Variants in RIMKLA observed in about 807,000 individuals in gnomAD.
RIMKLA encodes the protein N-acetylaspartylglutamate synthase A.
In RIMKLA, 14 loss-of-function variants were observed where a neutral mutation model predicts 32.7. The observed-to-expected ratio is 0.43, with a 90% CI of 0.28 to 0.67. The LOEUF is 0.67. Ranked by LOEUF, RIMKLA falls within the 30% of genes least tolerant of loss-of-function variation. The pLI is 0.18. For synonymous variants in RIMKLA, 176 were observed against 204.1 expected, an observed-to-expected ratio of 0.86 and a Z score of 1.18; for missense variants, 410 against 519.0, an observed-to-expected ratio of 0.79 and a Z score of 2.04.
chr1:42,381,037 G>C lies in RIMKLA; in HGVS notation c.103G>C (p.Val35Leu). The stretch of plus-strand genomic sequence containing the variant: ...CCGGCAGCGCTGCTCCGAGCAGGAC[G>C]TGCGCTTCCGGGCGGTGCTTATGGA... ...ALRQRCSEQDVRFRAVLMDQI... is the reference protein window; with the variant it reads ...ALRQRCSEQDLRFRAVLMDQI... The change falls in exon 1 of 5, where the codon GTG becomes CTG. Residue 35 changes from valine to leucine, a missense_variant. Val to Leu is a conservative substitution (Grantham distance 32). Coordinates refer to ENST00000431473, the MANE Select transcript of RIMKLA (RefSeq NM_173642.4). 1 of 1,352,132 alleles carries C rather than the reference G, an allele frequency of 7.4e-7. No individual in the cohort carries two copies. Among genetic ancestry groups the C allele is most frequent in the South Asian group, 1.8e-5 (1 of 56,094 alleles). The allele number at this position is 1,352,132 out of a possible 1,614,324, so 83.8% of individuals were successfully genotyped here. A position where few individuals can be genotyped will look rare whatever the true frequency, so the allele number is the denominator to read the frequency against.
At chr1:42,394,394 A>G (rs1220122617) in intron 1 of RIMKLA, among the ~76,000 whole-genome samples, 1 of 152,226 alleles carries the variant, frequency 6.6e-6, no homozygotes, top group Non-Finnish European at 1.5e-5. Flanking sequence ...ATGACTCATT[A>G]TGTATCGGCT....
chr1:42,399,239 G>T (rs112292727), intron 1 of RIMKLA, among the ~76,000 whole-genome samples, 165 bp from the exon 2 acceptor site: 7 of 152,130 alleles, frequency 4.6e-5, no homozygotes, highest in African/African-American at 1.7e-4. Flanking sequence ...TTTGTTTGGC[G>T]TATAGGGTTG....
In RIMKLA at chr1:42,415,186, G is replaced by A; in HGVS notation, c.*212G>A. On this transcript the variant is annotated 3_prime_UTR_variant, in exon 5 of 5. Coordinates refer to ENST00000431473, the MANE Select transcript of RIMKLA (RefSeq NM_173642.4). ...TAAAAACACTCAAGAACAACGTCCC[G>A]ACTGATCAGTATGAGACTGATGTCT... 1.1e-5 allele frequency: 6 copies of A among 566,392 alleles called. No homozygotes were observed. Among genetic ancestry groups the A allele is most frequent in the East Asian group, 5.9e-5 (2 of 33,642 alleles). 35.1% of individuals were successfully genotyped at this position (566,392 alleles called of 1,614,324 possible).
chr1:42,422,492 C>G lies in RIMKLA; in HGVS notation c.*7518C>G, dbSNP rs917756950. ...TTCCAAGTGGTTTATACAGCAATAA[C>G]AGTGTTAACTTCTCCAACAGAGACG... On this transcript the variant is annotated 3_prime_UTR_variant, in exon 5 of 5. Transcript: ENST00000431473. The G allele has an allele frequency of 6.6e-6, 1 of 152,160 alleles. No individual in the cohort carries two copies. The highest frequency in any genetic ancestry group is 6.5e-5 in the Admixed American group (1 of 15,272). 9.4% of individuals were successfully genotyped at this position (152,160 alleles called of 1,614,324 possible). A position where few individuals can be genotyped will look rare whatever the true frequency, so the allele number is the denominator to read the frequency against.
At chr1:42,383,000 G>A (rs1642902507) in intron 1 of RIMKLA, among the ~76,000 whole-genome samples, 1 of 151,332 alleles carries the variant, frequency 6.6e-6, no homozygotes, top group African/African-American at 2.4e-5. Flanking sequence ...TGGGATTACA[G>A]GCATGTGCCA....
At chr1:42,394,996 C>T (rs891485820) in intron 1 of RIMKLA, among the ~76,000 whole-genome samples, 1 of 152,202 alleles carries the variant, frequency 6.6e-6, no homozygotes, top group Non-Finnish European at 1.5e-5. Flanking sequence ...GCCTTGGCCT[C>T]CCAAGGTGCT....
chr1:42,397,714 T>C (rs72964210), intron 1 of RIMKLA, among the ~76,000 whole-genome samples: 27,626 of 151,980 alleles, frequency 0.18, 2,620 homozygotes, highest in East Asian at 0.22. Context: ...GATAGCAAGA[T>C]CCTGTGTCTA....
chr1:42,414,749 G>A lies in RIMKLA; in HGVS notation c.951G>A (p.Leu317=). 6.2e-7 allele frequency: 1 copy of A among 1,614,214 alleles called. No individual in the cohort carries two copies. Among genetic ancestry groups the A allele is most frequent in the Non-Finnish European group, 8.5e-7 (1 of 1,180,028 alleles). ...QTGKMAVLPG[L]SSPREKNEPD... ...GAAAGATGGCTGTCCTCCCAGGACT[G>A]TCGAGTCCAAGGGAGAAGAACGAGC... Residue 317 remains leucine (L), a synonymous_variant, in exon 5 of 5, where the codon CTG becomes CTA. Transcript: ENST00000431473.
intron 1 of RIMKLA, among the ~76,000 whole-genome samples, chr1:42,387,409 G>GT (rs1202309457): frequency 6.7e-6 from 1 of 149,338 alleles, no homozygotes; most frequent in Admixed American, 6.7e-5. Context: ...AAAAAAAAAT[G>GT]TAACTCCAGA....
chr1:42,382,219 T>C (rs1642895426), intron 1 of RIMKLA, among the ~76,000 whole-genome samples: 1 of 152,208 alleles, frequency 6.6e-6, no homozygotes, highest in South Asian at 2.1e-4. Flanking sequence ...GTTGGAGAAA[T>C]ATACCATAAA....
rs113694980 is a variant in RIMKLA, at chr1:42,381,295, C to G, written c.163+198C>G. On this transcript the variant is annotated intron_variant, in intron 1 of 4. Coordinates refer to ENST00000431473, the MANE Select transcript of RIMKLA (RefSeq NM_173642.4). ...CTTCTTTAACCACCACCACCTGCCC[C>G]GAGGCCAAGATTCGAGAACGCGATT... is the stretch of plus-strand genomic sequence containing the variant. Among the ~76,000 whole-genome samples, 927 of 152,332 alleles carry G rather than the reference C, an allele frequency of 6.1e-3. 8 individuals carry two copies. The highest frequency in any genetic ancestry group is 0.017 in the African/African-American group (701 of 41,578).
At chr1:42,412,631 G>T in intron 4 of RIMKLA, 1 of 506,650 alleles carries the variant, frequency 2.0e-6, no homozygotes, top group Non-Finnish European at 3.9e-6. Flanking sequence ...TCCCAGCTCT[G>T]TGATCATCAG....
intron 4 of RIMKLA, among the ~76,000 whole-genome samples, 153 bp from the exon 5 acceptor site, chr1:42,414,331 G>T (rs1643226999): frequency 6.6e-6 from 1 of 152,046 alleles, no homozygotes; most frequent in Admixed American, 6.6e-5. Flanking sequence ...TGGCCGTATT[G>T]TTTTCCCAAG....
In RIMKLA at chr1:42,399,486, C is replaced by T; in HGVS notation, c.246C>T (p.Asp82=). ...VRVPTPSVQS[D]SDITVLRHLE... ...TACCCACACCCTCAGTGCAGTCAGA[C>T]AGTGACATCACTGTCCTGCGACACC... Residue 82 remains aspartate, a synonymous_variant, in exon 2 of 5, where the codon GAC becomes GAT. Transcript: ENST00000431473. 6.2e-7 allele frequency: 1 copy of T among 1,613,496 alleles called. No individual in the cohort carries two copies. Among genetic ancestry groups the T allele is most frequent in the Non-Finnish European group, 8.5e-7 (1 of 1,179,766 alleles).
Position 42,385,840 on chromosome 1 carries a change from CTTTCTCTTTCTTTCTTTCTT to C in RIMKLA, c.163+4745_163+4764del, listed in dbSNP as rs1642936722. On this transcript the variant is annotated intron_variant, in intron 1 of 4. Transcript: ENST00000431473. ...CCTTCCTTCCTTCCTTTCTTTCTTT[CTTTCTCTTTCTTTCTTTCTT>C]TCTTTCTTTCTTTCTTTCTTTCTTT... Among the ~76,000 whole-genome samples the C allele has an allele frequency of 6.2e-5, 4 of 64,704 alleles. 1 individual carries two copies. The highest frequency in any genetic ancestry group is 2.9e-4 in the East Asian group (1 of 3,444). The allele number at this position is 64,704 out of a possible 152,430, so 42.4% of individuals were successfully genotyped here. A position where few individuals can be genotyped will look rare whatever the true frequency, so the allele number is the denominator to read the frequency against.
intron 1 of RIMKLA, among the ~76,000 whole-genome samples, chr1:42,389,616 G>A (rs978689544): frequency 6.6e-6 from 1 of 151,922 alleles, no homozygotes. Flanking sequence ...GTTCGAGACC[G>A]GCCTGGCCAA....
At chr1:42,406,634 G>A (rs143020560) in intron 3 of RIMKLA, among the ~76,000 whole-genome samples, 257 of 152,246 alleles carry the variant, frequency 1.7e-3, no homozygotes, top group African/African-American at 6.0e-3. Flanking sequence ...CACCAGCAAT[G>A]TTTGAGGGTT....
At chr1:42,388,768 G>C (rs1365049642) in intron 1 of RIMKLA, among the ~76,000 whole-genome samples, 3 of 152,004 alleles carry the variant, frequency 2.0e-5, no homozygotes, top group Non-Finnish European at 2.9e-5. Flanking sequence ...CGCCCACCTT[G>C]GCCTCCCAAA....
At chr1:42,382,388 A>G (rs1642897051) in intron 1 of RIMKLA, among the ~76,000 whole-genome samples, 1 of 152,236 alleles carries the variant, frequency 6.6e-6, no homozygotes, top group African/African-American at 2.4e-5. Flanking sequence ...TTTACAGTTA[A>G]CAAGTATCTT....
Sources: allele counts gnomAD v4.1 joint callset (sites outside exome capture counted in the v4.1 genomes callset), GRCh38; gene constraint gnomAD v4.1.1; transcripts MANE v1.5; gene names NCBI Gene and HGNC (gene_info 2026-07-23, HGNC 2026-07-21).